NUMA1: variants seen among roughly 807,000 people sequenced by gnomAD.
NUMA1 encodes nuclear mitotic apparatus protein 1.
Under a neutral mutation model 237.1 loss-of-function variants are expected in NUMA1, and 62 were observed. The ratio of observed to expected loss-of-function variants is 0.26; its 90% CI spans 0.21 to 0.32. The LOEUF (loss-of-function observed/expected upper bound fraction) is 0.32. NUMA1 is among the 10% of genes least tolerant of loss of function. The pLI is 1.00. For synonymous variants in NUMA1, 1,028 were observed against 1,066.1 expected (o/e 0.96, Z 0.70); for missense variants, 2,533 against 2,666.5 (o/e 0.95, Z 1.10).
At chr11:72,048,300 A>G (rs754477078) in intron 2 of NUMA1, among the ~76,000 whole-genome samples, 1 of 151,944 alleles carries the variant, frequency 6.6e-6, no homozygotes, top group Non-Finnish European at 1.5e-5. Flanking sequence ...ATAGGCAATC[A>G]TTGAGTGAAT....
intron 2 of NUMA1, among the ~76,000 whole-genome samples, chr11:72,040,338 C>T (rs1039520929): frequency 7.2e-5 from 11 of 151,874 alleles, no homozygotes; most frequent in African/African-American, 2.7e-4. Context: ...GCCCCTTCTC[C>T]CCGTTCTCTG....
intron 8 of NUMA1, chr11:72,020,533 G>C (rs368808156): frequency 6.6e-6 from 1 of 152,182 alleles, no homozygotes. Flanking sequence ...TTATGTATCT[G>C]CCTTTCCACC....
intron 13 of NUMA1, 186 bp from the exon 14 acceptor site, chr11:72,016,716 A>G (rs903369967): frequency 6.1e-6 from 4 of 651,986 alleles, no homozygotes; most frequent in Non-Finnish European, 1.0e-5. Flanking sequence ...CTCTAGACCT[A>G]GTTCTAAGGC....
intron 3 of NUMA1, among the ~76,000 whole-genome samples, chr11:72,031,972 TA>T (rs34502837): frequency 0.016 from 1,081 of 67,698 alleles, 5 homozygotes; most frequent in East Asian, 0.034. Flanking sequence ...CCCAAAAAAT[TA>T]AAAAAAAAAA....
chr11:72,062,980 A>G (rs1943022846), intron 2 of NUMA1, among the ~76,000 whole-genome samples: 1 of 151,198 alleles, frequency 6.6e-6, no homozygotes, highest in Admixed American at 6.6e-5. Flanking sequence ...GAGGCAGGAG[A>G]ATCACTTGAA....
chr11:72,006,869 G>A (rs1955755170), intron 21 of NUMA1, among the ~76,000 whole-genome samples: 1 of 152,236 alleles, frequency 6.6e-6, no homozygotes, highest in Admixed American at 6.5e-5. Flanking sequence ...ATGCCTCTCA[G>A]CTGCATGGGG....
intron 2 of NUMA1, among the ~76,000 whole-genome samples, chr11:72,036,405 A>G (rs1332466925): frequency 6.6e-6 from 1 of 152,242 alleles, no homozygotes; most frequent in Non-Finnish European, 1.5e-5. Flanking sequence ...TATCTGCAAA[A>G]TGGGATCCAC....
At chr11:72,061,491 T>TTC (rs1565287597) in intron 2 of NUMA1, among the ~76,000 whole-genome samples, 5 of 140,672 alleles carry the variant, frequency 3.6e-5, no homozygotes, top group African/African-American at 1.3e-4. Context: ...TTTTCTTTTT[T>TTC]TTTTTTTTTT....
intron 20 of NUMA1, 51 bp downstream of exon 20, chr11:72,008,637 A>C: frequency 1.3e-6 from 2 of 1,572,662 alleles, no homozygotes; most frequent in Non-Finnish European, 1.8e-6. Context: ...ACAGCCTGAT[A>C]AACAGCAGGC....
In NUMA1 at chr11:72,013,297, G is replaced by A; in HGVS notation, c.4206C>T (p.Ala1402=). The A allele has an allele frequency of 1.2e-6, 2 of 1,604,444 alleles. No individual in the cohort carries two copies. Among genetic ancestry groups the A allele is most frequent in the Non-Finnish European group, 8.5e-7 (1 of 1,179,730 alleles). The change falls in exon 15 of 27, where the codon GCC becomes GCT. Residue 1402 remains alanine, a synonymous_variant. Coordinates refer to ENST00000393695, the MANE Select transcript of NUMA1 (RefSeq NM_006185.4). The surrounding 1 kb of genome is among the most constrained non-coding windows in gnomAD (Gnocchi z 6.8). The part of the protein sequence containing the change: ...AGGLRAELLR[A]QRELGELIPL... ...GAATCAGCTCCCCAAGCTCCCGCTG[G>A]GCCCGCAGCAGCTCTGCCCGCAGTC...
chr11:72,009,723 C>A (rs1956015849), intron 17 of NUMA1, among the ~76,000 whole-genome samples: 1 of 20,052 alleles, frequency 5.0e-5, no homozygotes, highest in Non-Finnish European at 3.3e-4. Flanking sequence ...CACCCAGGTG[C>A]AGAGCCTTAC....
chr11:72,072,942 G>A (rs919949778), intron 1 of NUMA1, among the ~76,000 whole-genome samples: 1 of 150,710 alleles, frequency 6.6e-6, no homozygotes, highest in Non-Finnish European at 1.5e-5. Flanking sequence ...CTCGGGAGGG[G>A]AGGCTGAGGC....
intron 4 of NUMA1, among the ~76,000 whole-genome samples, chr11:72,028,133 C>T (rs764831954): frequency 4.6e-5 from 7 of 152,208 alleles, no homozygotes; most frequent in Admixed American, 1.3e-4. Flanking sequence ...CACTTGGCCC[C>T]GCTAGACCTT....
At chr11:72,016,975 ATTTTTTTTTTTTTT>A (rs67134844) in intron 13 of NUMA1, 147 of 153,146 alleles carry the variant, frequency 9.6e-4, no homozygotes, top group South Asian at 2.3e-3. Context: ...TTCATCCCTA[ATTTTTTTTTTTTTT>A]TTTTTTTTTT....
At chr11:72,025,248 C>A (rs1939418721) in intron 4 of NUMA1, among the ~76,000 whole-genome samples, 1 of 152,020 alleles carries the variant, frequency 6.6e-6, no homozygotes, top group Non-Finnish European at 1.5e-5. Context: ...GAAGAGCGGG[C>A]AGTGTGAAGA....
intron 17 of NUMA1, among the ~76,000 whole-genome samples, chr11:72,010,135 G>A (rs1414120100): frequency 6.6e-6 from 1 of 152,226 alleles, no homozygotes; most frequent in African/African-American, 2.4e-5. Flanking sequence ...ACCATGGTAT[G>A]AAGGTGAGCA....
chr11:72,078,120 C>CT (rs1943800951), intron 1 of NUMA1, among the ~76,000 whole-genome samples: 3 of 152,216 alleles, frequency 2.0e-5, no homozygotes, highest in Non-Finnish European at 2.9e-5. Flanking sequence ...CCTGCTCCTC[C>CT]TGCCTCAGCC....
At position 72,014,843 on chromosome 11, in the gene NUMA1, T is replaced by G. The variant is rs757588825; in HGVS notation, c.2660A>C (p.Gln887Pro). ...GGCCCTGACTTCCTTCTCTTGGACC[T>G]GCTGGAGTGCTCTGGCCAGGTTGGC... ...LHANLARALQQVQEKEVRAQK... is the reference protein window; with the variant it reads ...LHANLARALQPVQEKEVRAQK... The change falls in exon 15 of 27, where the codon CAG becomes CCG. Residue 887 changes from glutamine (Q) to proline (P), a missense_variant. This residue lies in a region of NUMA1 where 1,414 missense variants were observed against 1,508.1 expected (regional missense o/e 0.94). Coordinates refer to ENST00000393695, the MANE Select transcript of NUMA1 (RefSeq NM_006185.4). This position sits in a 1 kb window ranked among gnomAD's most constrained non-coding sequence, Gnocchi z 4.6. 6.2e-7 allele frequency: 1 copy of G among 1,614,254 alleles called. No homozygotes were observed. Among genetic ancestry groups the G allele is most frequent in the Admixed American group, 1.7e-5 (1 of 60,028 alleles).
In NUMA1 at chr11:72,015,780, CCTGCTTCTCCGCTACCTCCTTCAA is replaced by C. The variant is rs1175894275; in HGVS notation, c.1699_1722del (p.Leu567_Gln574del). 1.2e-6 allele frequency: 2 copies of C among 1,614,236 alleles called. No individual in the cohort carries two copies. On this transcript the variant is annotated inframe_deletion, in exon 15 of 27. Transcript: ENST00000393695. This position sits in a 1 kb window ranked among gnomAD's most constrained non-coding sequence, Gnocchi z 4.0. Reference sequence around the variant, plus strand: ...TGGGCATGGTCCTGCCTAGTTGCCTCCTGCTTCTCCGCTACCTCCTTCAACTGCTGCTCCTTCTGCTTCAGGCTA... The same window carrying C: ...TGGGCATGGTCCTGCCTAGTTGCCTCCTGCTGCTCCTTCTGCTTCAGGCTA...
Sources: gnomAD v4.1 joint callset for allele counts (sites outside exome capture counted in the v4.1 genomes callset) on GRCh38, gnomAD v4.1.1 for gene constraint, gnomAD v4.1.1 regional missense constraint, Gnocchi (gnomAD v3.1) non-coding constraint, MANE v1.5 for transcripts, NCBI Gene and HGNC (gene_info 2026-07-23, HGNC 2026-07-21) for gene names.